Variants in CACNA1E observed in about 807,000 individuals in gnomAD.
CACNA1E encodes voltage-dependent R-type calcium channel subunit alpha-1E.
A neutral mutation model predicts 259.2 loss-of-function variants in CACNA1E; 40 were observed. The ratio of observed to expected loss-of-function variants is 0.15; its 90% CI spans 0.12 to 0.20. The LOEUF is 0.20. Ranked by LOEUF, CACNA1E falls within the 10% of genes least tolerant of loss-of-function variation. The pLI is 1.00. For synonymous variants in CACNA1E, 1,104 were observed against 1,138.5 expected (o/e 0.97, Z 0.61); for missense variants, 1,874 against 3,040.1 (o/e 0.62, Z 9.02).
rs1292578563 is a variant in CACNA1E at position 181,455,183 on chromosome 1, A to T, written c.435-28561A>T. On this transcript the variant is annotated intron_variant, in intron 2 of 11. Transcript: ENST00000524607. ...TGAAAGCCCATACTTAAAAAAATAGAAAGTTGGCCACATTATATTGGTTTC... is the reference window on the plus strand; with the variant it reads ...TGAAAGCCCATACTTAAAAAAATAGTAAGTTGGCCACATTATATTGGTTTC... Among the ~76,000 whole-genome samples, 2 of 152,200 alleles carry T rather than the reference A, an allele frequency of 1.3e-5. 1 individual carries two copies. Among genetic ancestry groups the T allele is most frequent in the South Asian group, 4.1e-4 (2 of 4,836 alleles).
At chr1:181,614,919 C>G (rs1216851733) in intron 6 of CACNA1E, among the ~76,000 whole-genome samples, 1 of 152,034 alleles carries the variant, frequency 6.6e-6, no homozygotes, top group African/African-American at 2.4e-5. Context: ...TGAAAATAAT[C>G]TGCATATAAG....
chr1:181,560,697 A>G (rs1413308683), intron 3 of CACNA1E, among the ~76,000 whole-genome samples: 1 of 152,218 alleles, frequency 6.6e-6, no homozygotes, highest in African/African-American at 2.4e-5. Context: ...ATTGAACCAT[A>G]AAAATTAAAC....
intron 6 of CACNA1E, among the ~76,000 whole-genome samples, chr1:181,587,851 C>G (rs1254776106): frequency 6.6e-6 from 1 of 152,134 alleles, no homozygotes; most frequent in African/African-American, 2.4e-5. Context: ...CCACTGCAGT[C>G]CGGCCTGGGT....
At chr1:181,717,845 G>A (rs113971767) in intron 11 of CACNA1E, among the ~76,000 whole-genome samples, 10 of 152,268 alleles carry the variant, frequency 6.6e-5, no homozygotes, top group African/African-American at 2.4e-4. Flanking sequence ...TTGAAAGAGA[G>A]CAATGCTGAT....
At position 181,485,074 on chromosome 1, in the gene CACNA1E, G is replaced by A. The variant is rs1363578337; in HGVS notation, c.266+1064G>A. Among the ~76,000 whole-genome samples the A allele has an allele frequency of 6.6e-6, 1 of 152,246 alleles. No individual in the cohort carries two copies. The highest frequency in any genetic ancestry group is 6.5e-5 in the Admixed American group (1 of 15,294). On this transcript the variant is annotated intron_variant, in intron 1 of 47. Transcript: ENST00000367573. This position sits in a 1 kb window ranked among gnomAD's most constrained non-coding sequence, Gnocchi z 4.2. ...ATTGGGGGTGGTGAGGCAGTGAAGG[G>A]GATTAGTAGGAGGCAAGCTAGTGGT...
chr1:181,421,002 A>AAAC (rs3051714), intron 2 of CACNA1E, among the ~76,000 whole-genome samples: 1 of 152,142 alleles, frequency 6.6e-6, no homozygotes, highest in Non-Finnish European at 1.5e-5. Flanking sequence ...TGCAGATGAA[A>AAAC]AACAACAACA....
chr1:181,344,970 A>G (rs1652472652), intron 1 of CACNA1E, among the ~76,000 whole-genome samples: 1 of 152,174 alleles, frequency 6.6e-6, no homozygotes, highest in South Asian at 2.1e-4. Context: ...GGTATGATAC[A>G]TTGAATTTCA....
intron 6 of CACNA1E, among the ~76,000 whole-genome samples, chr1:181,595,234 G>A (rs1489669776): frequency 6.6e-6 from 1 of 152,144 alleles, no homozygotes; most frequent in South Asian, 2.1e-4. Flanking sequence ...TTCCCCAGGG[G>A]TCTCTATGAT....
At chr1:181,512,934 A>G (rs973740957) in intron 3 of CACNA1E, among the ~76,000 whole-genome samples, 8 of 152,342 alleles carry the variant, frequency 5.3e-5, no homozygotes, top group Admixed American at 5.2e-4. Flanking sequence ...AAAATAAATA[A>G]TATGTGCTGT....
Position 181,798,658 on chromosome 1 carries a change from G to A in CACNA1E, c.6766G>A (p.Val2256Met), listed in dbSNP as rs542899440. 1.1e-5 allele frequency: 17 copies of A among 1,610,076 alleles called. No individual in the cohort carries two copies. The highest frequency in any genetic ancestry group is 3.3e-5 in the South Asian group (3 of 90,796). ...EEETLTFEAA[V>M]ATSLGRSNTI... ...GGAGACGCTCACTTTCGAAGCAGCC[G>A]TGGCTACTAGCCTGGGCCGTTCCAA... is the stretch of plus-strand genomic sequence containing the variant. Residue 2256 changes from valine to methionine, a missense_variant, in exon 48 of 48, where the codon GTG becomes ATG. Coordinates refer to ENST00000367573, the MANE Select transcript of CACNA1E (RefSeq NM_001205293.3). The surrounding 1 kb of genome is among the most constrained non-coding windows in gnomAD (Gnocchi z 4.2).
chr1:181,377,831 A>G (rs1655201688), intron 1 of CACNA1E, among the ~76,000 whole-genome samples: 1 of 152,222 alleles, frequency 6.6e-6, no homozygotes, highest in Non-Finnish European at 1.5e-5. Flanking sequence ...CAATAAACAA[A>G]TACAATGAGC....
At chr1:181,320,729 G>C (rs963347202) in intron 1 of CACNA1E, among the ~76,000 whole-genome samples, 1 of 152,100 alleles carries the variant, frequency 6.6e-6, no homozygotes, top group African/African-American at 2.4e-5. Context: ...TGCTCAGCCG[G>C]GGGGGTGATG....
chr1:181,640,140 C>T (rs978216005), intron 6 of CACNA1E, among the ~76,000 whole-genome samples: 5 of 152,142 alleles, frequency 3.3e-5, no homozygotes, highest in African/African-American at 1.2e-4. Flanking sequence ...AGCTGACCAG[C>T]CTGGGGACTG....
At chr1:181,793,552 C>A in intron 44 of CACNA1E, 113 bp from the exon 45 acceptor site, 2 of 1,130,496 alleles carry the variant, frequency 1.8e-6, no homozygotes, top group East Asian at 2.6e-5. Context: ...GACCTTAAAG[C>A]TGCAAGTCTC....
intron 6 of CACNA1E, among the ~76,000 whole-genome samples, chr1:181,641,033 T>C (rs776831119): frequency 6.6e-6 from 1 of 152,160 alleles, no homozygotes; most frequent in Non-Finnish European, 1.5e-5. Context: ...TAATGTTCTG[T>C]TTTCTATTAT....
intron 1 of CACNA1E, among the ~76,000 whole-genome samples, chr1:181,391,945 CTGTGTG>C (rs201388697): frequency 7.8e-4 from 92 of 118,260 alleles, no homozygotes; most frequent in African/African-American, 1.3e-3. Flanking sequence ...CTCTCTCTCT[CTGTGTG>C]TGTGTGTGTG....
chr1:181,447,202 TC>T (rs1491200217), intron 2 of CACNA1E, among the ~76,000 whole-genome samples: 1 of 149,926 alleles, frequency 6.7e-6, no homozygotes, highest in East Asian at 2.0e-4. Flanking sequence ...TTTGGGATTT[TC>T]CCCCCCTATA....
intron 43 of CACNA1E, among the ~76,000 whole-genome samples, chr1:181,788,058 G>A (rs1660992899): frequency 6.6e-6 from 1 of 152,170 alleles, no homozygotes; most frequent in African/African-American, 2.4e-5. Flanking sequence ...ATTTCTAGAG[G>A]CAGGAACACC....
chr1:181,787,876 G>A (rs2102857117), intron 43 of CACNA1E, among the ~76,000 whole-genome samples: 1 of 152,316 alleles, frequency 6.6e-6, no homozygotes, highest in East Asian at 1.9e-4. Context: ...CAGGGGATGT[G>A]TTAAGTTATG....
Sources: allele counts gnomAD v4.1 joint callset (sites outside exome capture counted in the v4.1 genomes callset), GRCh38; gene constraint gnomAD v4.1.1; non-coding constraint Gnocchi (gnomAD v3.1); transcripts MANE v1.5; gene names NCBI Gene and HGNC (gene_info 2026-07-23, HGNC 2026-07-21).